Variants in AMZ2 observed in about 807,000 individuals in gnomAD.
AMZ2 encodes archaelysin family metallopeptidase 2.
AMZ2 carries 26 observed loss-of-function variants against 36.7 expected under a neutral mutation model. The ratio of observed to expected loss-of-function variants is 0.71; its 90% CI spans 0.52 to 0.98. AMZ2 has a LOEUF of 0.98. Among genes scored for constraint, AMZ2 ranks in the 50% least tolerant of loss-of-function variants. The pLI is 0.00. For synonymous variants in AMZ2, 144 were observed against 149.1 expected, an observed-to-expected ratio of 0.97 and a Z score of 0.25; for missense variants, 394 against 430.5, an observed-to-expected ratio of 0.92 and a Z score of 0.75.
chr17:68,224,433 C>T (rs1483193771), intron 1 of AMZ2, among the ~76,000 whole-genome samples: 2 of 152,082 alleles, frequency 1.3e-5, no homozygotes, highest in African/African-American at 2.4e-5. Flanking sequence ...AGCCTCTCTG[C>T]GTGTTGCTTG....
At chr17:68,249,606 T>C (rs1448650766) in intron 1 of AMZ2, 3 of 152,674 alleles carry the variant, frequency 2.0e-5, no homozygotes, top group African/African-American at 2.4e-5. Flanking sequence ...GCCAATATTA[T>C]TCCCCAAAAG....
intron 1 of AMZ2, chr17:68,207,552 A>G (rs2144436547): frequency 6.6e-6 from 1 of 152,354 alleles, no homozygotes; most frequent in East Asian, 1.9e-4. Flanking sequence ...TCTTTCTCAG[A>G]GAGACTGCTG....
chr17:68,231,787 G>A (rs569697422), intron 1 of AMZ2, among the ~76,000 whole-genome samples: 300 of 152,306 alleles, frequency 2.0e-3, no homozygotes, highest in Non-Finnish European at 3.2e-3. Flanking sequence ...AGGGAACTAG[G>A]ATTTCCCTTG....
intron 1 of AMZ2, among the ~76,000 whole-genome samples, chr17:68,226,901 TC>T (rs1379347868): frequency 6.8e-6 from 1 of 147,326 alleles, no homozygotes; most frequent in African/African-American, 2.6e-5. Context: ...AGCTGCCACT[TC>T]CTAGGGTCCC....
chr17:68,255,495 T>C (rs1203149728), intron 5 of AMZ2, among the ~76,000 whole-genome samples: 4 of 152,160 alleles, frequency 2.6e-5, no homozygotes, highest in African/African-American at 9.7e-5. Flanking sequence ...GATGTTGAGG[T>C]TGAGGAAGTC....
At chr17:68,214,870 ACCT>A (rs1359270331) in intron 1 of AMZ2, among the ~76,000 whole-genome samples, 1 of 150,872 alleles carries the variant, frequency 6.6e-6, no homozygotes, top group African/African-American at 2.4e-5. Flanking sequence ...TGTAGCTTCG[ACCT>A]CCTGGGCTCA....
At position 68,254,501 on chromosome 17, in the gene AMZ2, C is replaced by G; in HGVS notation, c.684C>G (p.Asp228Glu). Residue 228 changes from aspartate to glutamate, a missense_variant, in exon 5 of 7, where the codon GAC becomes GAG. Transcript: ENST00000359904. ...VKKLKKTSSS[D>E]YSIFDNYYIP... ...AGCTCAAGAAAACATCTTCAAGTGACTATTCAATTTTCGACAACTATTATA... is the reference window on the plus strand; with the variant it reads ...AGCTCAAGAAAACATCTTCAAGTGAGTATTCAATTTTCGACAACTATTATA... 1 of 1,613,406 alleles carries G rather than the reference C, an allele frequency of 6.2e-7. No individual in the cohort carries two copies.
In AMZ2 at chr17:68,250,337, C is replaced by G; in HGVS notation, c.150C>G (p.Pro50=). ...AFQPASDLFG[P]ITLHSPSDWI... ...AGCCAGCCAGTGATCTCTTTGGACC[C>G]ATTACCTTGCATTCTCCATCAGATT... The change falls in exon 2 of 7, where the codon CCC becomes CCG. Residue 50 remains proline, a synonymous_variant. Transcript: ENST00000359904. 1.2e-6 allele frequency: 2 copies of G among 1,614,206 alleles called. No homozygotes were observed. Among genetic ancestry groups the G allele is most frequent in the Non-Finnish European group, 1.7e-6 (2 of 1,180,036 alleles).
intron 4 of AMZ2, 21 bp from the exon 5 acceptor site, chr17:68,254,383 C>T (rs782809796): frequency 6.2e-7 from 1 of 1,601,378 alleles, no homozygotes; most frequent in Non-Finnish European, 8.5e-7. Flanking sequence ...CATTCTGTCA[C>T]TGTTTGTCCT....
intron 1 of AMZ2, among the ~76,000 whole-genome samples, chr17:68,227,172 C>A (rs1406708484): frequency 1.1e-4 from 16 of 152,146 alleles, no homozygotes; most frequent in Admixed American, 3.3e-4. Flanking sequence ...GTGTCACACC[C>A]ATCTCAGCGA....
chr17:68,221,643 G>A (rs1387211513), intron 1 of AMZ2, among the ~76,000 whole-genome samples: 4 of 151,906 alleles, frequency 2.6e-5, no homozygotes, highest in Admixed American at 6.6e-5. Flanking sequence ...GAACAGAATC[G>A]CTTGAACCTG....
intron 1 of AMZ2, among the ~76,000 whole-genome samples, chr17:68,231,011 C>T (rs2073648596): frequency 6.6e-6 from 1 of 151,966 alleles, no homozygotes; most frequent in Non-Finnish European, 1.5e-5. Context: ...TAGGGCAAGA[C>T]ATATATGTAT....
At chr17:68,239,741 A>G (rs2144638932) in intron 1 of AMZ2, among the ~76,000 whole-genome samples, 2 of 152,292 alleles carry the variant, frequency 1.3e-5, no homozygotes, top group Middle Eastern at 3.4e-3. Context: ...CCCCTCAGTG[A>G]ATAAGCTGAT....
At chr17:68,219,941 A>G (rs2073304465) in intron 1 of AMZ2, among the ~76,000 whole-genome samples, 1 of 152,180 alleles carries the variant, frequency 6.6e-6, no homozygotes, top group South Asian at 2.1e-4. Flanking sequence ...AAGCTCTTTG[A>G]GTGCCCATCA....
At chr17:68,229,483 A>G (rs1217038293) in intron 1 of AMZ2, among the ~76,000 whole-genome samples, 9 of 152,182 alleles carry the variant, frequency 5.9e-5, no homozygotes, top group Admixed American at 2.6e-4. Context: ...GATGCCTAAC[A>G]TTTTGAGGGA....
intron 1 of AMZ2, chr17:68,249,300 G>A (rs2190761): frequency 0.72 from 163,639 of 226,028 alleles, 60,373 homozygotes; most frequent in African/African-American, 0.89. Context: ...ATGTGGCACT[G>A]ATGAGTTAAT....
chr17:68,209,602 GTGTATATGTATATA>G (rs1374996482), intron 1 of AMZ2, among the ~76,000 whole-genome samples: 1 of 121,056 alleles, frequency 8.3e-6, no homozygotes, highest in Non-Finnish European at 1.6e-5. Flanking sequence ...GTGTGTGTGT[GTGTATATGTATATA>G]TATATATATA....
At position 68,248,192 on chromosome 17, in the gene AMZ2, C is replaced by T. The variant is rs1399986996; in HGVS notation, c.-514C>T. 1.0e-6 allele frequency: 1 copy of T among 986,366 alleles called. No homozygotes were observed. Among genetic ancestry groups the T allele is most frequent in the African/African-American group, 1.7e-5 (1 of 57,342 alleles). 61.1% of individuals were successfully genotyped at this position (986,366 alleles called of 1,614,324 possible). A position where few individuals can be genotyped will look rare whatever the true frequency, so the allele number is the denominator to read the frequency against. On this transcript the variant is annotated 5_prime_UTR_variant, in exon 1 of 7. Coordinates refer to ENST00000359904, the MANE Select transcript of AMZ2 (RefSeq NM_016627.5). ...CCGGGTCGTAGAGGCGGGGGCCGGT[C>T]GCGGTCGGTGGAGCGGGATGAGGAT...
intron 1 of AMZ2, among the ~76,000 whole-genome samples, chr17:68,228,879 C>T (rs1384765372): frequency 3.3e-5 from 5 of 152,368 alleles, no homozygotes; most frequent in African/African-American, 7.2e-5. Flanking sequence ...TGCACTGCTG[C>T]TTCCGCGTGT....
Sources: allele counts gnomAD v4.1 joint callset (sites outside exome capture counted in the v4.1 genomes callset), GRCh38; gene constraint gnomAD v4.1.1; transcripts MANE v1.5; gene names NCBI Gene and HGNC (gene_info 2026-07-23, HGNC 2026-07-21).